The following ZNF804B variants were observed in gnomAD, a reference collection of about 807,000 sequenced individuals.
The protein encoded by ZNF804B is zinc finger 804B.
In ZNF804B, 80 loss-of-function variants were observed where a neutral mutation model predicts 101.4. The ratio of observed to expected loss-of-function variants is 0.79; its 90% CI spans 0.66 to 0.95. The LOEUF is 0.95. ZNF804B is among the 40% of genes least tolerant of loss of function. ZNF804B has a pLI of 0.00. For missense variants in ZNF804B, 1,673 were observed against 1,561.9 expected (o/e 1.07, Z -1.20); for synonymous variants, 622 against 558.8 (o/e 1.11, Z -1.59).
intron 1 of ZNF804B, among the ~76,000 whole-genome samples, chr7:89,193,315 T>TA (rs397773493): frequency 6.6e-6 from 1 of 151,876 alleles, no homozygotes; most frequent in African/African-American, 2.4e-5. Flanking sequence ...TATTTTTTTT[T>TA]ATTCGTATTA....
intron 1 of ZNF804B, among the ~76,000 whole-genome samples, chr7:88,906,695 A>G (rs1432213717): frequency 1.3e-5 from 2 of 152,124 alleles, no homozygotes; most frequent in African/African-American, 4.8e-5. Context: ...GCAGATGAAA[A>G]TAATGTATAT....
chr7:88,987,145 T>A (rs1282273621), intron 1 of ZNF804B, among the ~76,000 whole-genome samples: 1 of 152,120 alleles, frequency 6.6e-6, no homozygotes. Flanking sequence ...TACTAAGCTC[T>A]CTTCATCAAA....
chr7:89,067,282 G>A (rs1380023219), intron 1 of ZNF804B, among the ~76,000 whole-genome samples: 2 of 152,176 alleles, frequency 1.3e-5, no homozygotes, highest in Admixed American at 6.5e-5. Context: ...ATTGTAGACC[G>A]AGTTGTTGAT....
chr7:89,050,656 A>G (rs1789187704), intron 1 of ZNF804B, among the ~76,000 whole-genome samples: 1 of 152,194 alleles, frequency 6.6e-6, no homozygotes, highest in African/African-American at 2.4e-5. Flanking sequence ...ATCGTCATCT[A>G]CCAGGGTCTT....
Position 89,014,603 on chromosome 7 carries a change from A to G in ZNF804B, c.109-203552A>G, listed in dbSNP as rs958720935. ...AGTGCTGGGATTACAGGTGTGAGCC[A>G]CCGCGCCCAGCGATTGAACTTTTGA... On this transcript the variant is annotated intron_variant, in intron 1 of 3. Transcript: ENST00000333190. 5.3e-5 allele frequency among the ~76,000 whole-genome samples: 8 copies of G among 152,200 alleles called. No homozygotes were observed. In the East Asian group the frequency reaches 1.5e-3, roughly 29 times the overall value.
At chr7:89,143,132 T>A (rs1790741725) in intron 1 of ZNF804B, among the ~76,000 whole-genome samples, 1 of 151,832 alleles carries the variant, frequency 6.6e-6, no homozygotes, top group Admixed American at 6.6e-5. Context: ...ACTGTACATG[T>A]TTTTACCCAT....
intron 1 of ZNF804B, among the ~76,000 whole-genome samples, chr7:88,982,583 C>A (rs1031149603): frequency 6.6e-6 from 1 of 152,052 alleles, no homozygotes. Context: ...TGACTGTGTC[C>A]TAATCTTTCC....
chr7:89,149,057 A>G (rs1170940542), intron 1 of ZNF804B, among the ~76,000 whole-genome samples: 1 of 152,012 alleles, frequency 6.6e-6, no homozygotes, highest in Admixed American at 6.6e-5. Context: ...ACTCAATAGA[A>G]GAAGGCATCA....
chr7:89,053,692 A>G (rs967576), intron 1 of ZNF804B, among the ~76,000 whole-genome samples: 17,776 of 149,564 alleles, frequency 0.12, 1,514 homozygotes, highest in East Asian at 0.29. Flanking sequence ...TTTTCCTTCA[A>G]TCGCTTTTCT....
Position 88,820,121 on chromosome 7 carries a change from G to C in ZNF804B, c.108+60037G>C, listed in dbSNP as rs1331444170. 3.3e-5 allele frequency among the ~76,000 whole-genome samples: 5 copies of C among 152,262 alleles called. No individual in the cohort carries two copies. The East Asian group carries it at 9.6e-4, about 29-fold the overall frequency. ...TTTAGCAAGTCCTGCTGAAATGGGA[G>C]AATGTTTTAAATTACAAAGCAATTT... On this transcript the variant is annotated intron_variant, in intron 1 of 3. Transcript: ENST00000333190.
At chr7:89,041,489 C>T (rs578119816) in intron 1 of ZNF804B, among the ~76,000 whole-genome samples, 6 of 152,242 alleles carry the variant, frequency 3.9e-5, no homozygotes, top group Admixed American at 6.5e-5. Context: ...GCCATGAGGG[C>T]TGACCTGGCA....
At chr7:88,807,449 G>C (rs1221243618) in intron 1 of ZNF804B, among the ~76,000 whole-genome samples, 1 of 152,198 alleles carries the variant, frequency 6.6e-6, no homozygotes, top group Non-Finnish European at 1.5e-5. Flanking sequence ...TGAATGCTTT[G>C]TGTTACGTGA....
At chr7:89,145,932 T>C (rs1790785361) in intron 1 of ZNF804B, among the ~76,000 whole-genome samples, 2 of 152,108 alleles carry the variant, frequency 1.3e-5, no homozygotes, top group Non-Finnish European at 2.9e-5. Context: ...CTCAATTCTG[T>C]GCTGCATTAG....
intron 1 of ZNF804B, among the ~76,000 whole-genome samples, chr7:89,105,055 A>G (rs1042117562): frequency 6.6e-6 from 1 of 152,090 alleles, no homozygotes; most frequent in Non-Finnish European, 1.5e-5. Context: ...CGCTTAAACT[A>G]TACCTTCTGA....
intron 1 of ZNF804B, among the ~76,000 whole-genome samples, chr7:88,828,419 A>G (rs976655289): frequency 4.0e-5 from 6 of 151,816 alleles, no homozygotes; most frequent in African/African-American, 1.5e-4. Context: ...AGTCCTTGAC[A>G]TGTTCATGCA....
In ZNF804B at chr7:88,786,334, T is replaced by C. The variant is rs563843308; in HGVS notation, c.108+26250T>C. ...TGTGTCTTCCATAGTCCCTAGGATA[T>C]GACTCTGCATATAATGGGCAATCAA... On this transcript the variant is annotated intron_variant, in intron 1 of 3. Transcript: ENST00000333190. 8.9e-4 allele frequency among the ~76,000 whole-genome samples: 135 copies of C among 152,226 alleles called. 1 individual carries two copies. Among genetic ancestry groups the C allele is most frequent in the South Asian group, 6.0e-3 (29 of 4,824 alleles).
chr7:88,926,515 G>A (rs1244485065), intron 1 of ZNF804B, among the ~76,000 whole-genome samples: 1 of 151,954 alleles, frequency 6.6e-6, no homozygotes, highest in Non-Finnish European at 1.5e-5. Flanking sequence ...TGAGGTGGGA[G>A]AATTACTTGA....
Position 89,191,127 on chromosome 7 carries a change from T to G in ZNF804B, c.109-27028T>G, listed in dbSNP as rs145253150. On this transcript the variant is annotated intron_variant, in intron 1 of 3. Transcript: ENST00000333190. ...ACATTCGATTTAGGAAATAAAAATG[T>G]TTCCTAAACAGAGAATCTAAAACAA... Among the ~76,000 whole-genome samples the G allele has an allele frequency of 8.9e-3, 1,359 of 152,226 alleles. 18 individuals carry two copies. Among genetic ancestry groups the G allele is most frequent in the Non-Finnish European group, 0.014 (942 of 67,992 alleles).
In ZNF804B at chr7:89,023,918, C is replaced by T. The variant is rs1407827780; in HGVS notation, c.109-194237C>T. Among the ~76,000 whole-genome samples the T allele has an allele frequency of 2.0e-5, 3 of 152,266 alleles. No individual in the cohort carries two copies. In the East Asian group the frequency reaches 5.8e-4, roughly 29 times the overall value. ...GAAGTTTTAAACTGATAATAAATTA[C>T]AATGAAACCAAGCTGACATAGAATT... On this transcript the variant is annotated intron_variant, in intron 1 of 3. Transcript: ENST00000333190.
Sources: allele counts gnomAD v4.1 joint callset (sites outside exome capture counted in the v4.1 genomes callset), GRCh38; gene constraint gnomAD v4.1.1; transcripts MANE v1.5; gene names NCBI Gene and HGNC (gene_info 2026-07-23, HGNC 2026-07-21).